The following NIPAL2 variants were observed in gnomAD, a reference collection of about 807,000 sequenced individuals.
NIPAL2 encodes NIPA like domain containing 2.
A neutral mutation model predicts 48.9 loss-of-function variants in NIPAL2; 43 were observed. The ratio of observed to expected loss-of-function variants is 0.88; its 90% CI spans 0.69 to 1.13. NIPAL2 has a LOEUF of 1.13. Among genes scored for constraint, NIPAL2 ranks in the 50% most tolerant of loss-of-function variants. The pLI is 0.00. For missense variants in NIPAL2, 446 were observed against 461.4 expected (o/e 0.97, Z 0.31); for synonymous variants, 167 against 174.6 (o/e 0.96, Z 0.34).
At chr8:98,210,705 CTG>C (rs749235577) in intron 6 of NIPAL2, among the ~76,000 whole-genome samples, 63 of 152,130 alleles carry the variant, frequency 4.1e-4, no homozygotes, top group Admixed American at 3.3e-4. Context: ...CCTTATATTT[CTG>C]TTAGTGTAGT....
chr8:98,268,371 G>A (rs1484134891), intron 1 of NIPAL2, among the ~76,000 whole-genome samples: 1 of 151,932 alleles, frequency 6.6e-6, no homozygotes, highest in Non-Finnish European at 1.5e-5. Flanking sequence ...CTGTCATCCC[G>A]GCATTTTGGG....
chr8:98,240,953 G>A (rs1425962839), intron 3 of NIPAL2, among the ~76,000 whole-genome samples: 1 of 152,122 alleles, frequency 6.6e-6, no homozygotes, highest in African/African-American at 2.4e-5. Context: ...ACCGGTGAAA[G>A]GAAGCATTTG....
At chr8:98,223,388 C>A (rs1812001358) in intron 4 of NIPAL2, among the ~76,000 whole-genome samples, 1 of 152,102 alleles carries the variant, frequency 6.6e-6, no homozygotes, top group Admixed American at 6.6e-5. Context: ...GAAGGGAGGA[C>A]TTGCCCTTCC....
intron 1 of NIPAL2, among the ~76,000 whole-genome samples, chr8:98,269,013 T>C (rs936763748): frequency 4.6e-5 from 7 of 152,302 alleles, no homozygotes; most frequent in African/African-American, 1.7e-4. Flanking sequence ...TGCTCATCGA[T>C]AAAAAGCAAC....
At chr8:98,203,754 G>A (rs1184420437) in intron 7 of NIPAL2, among the ~76,000 whole-genome samples, 2 of 152,128 alleles carry the variant, frequency 1.3e-5, no homozygotes, top group South Asian at 4.1e-4. Flanking sequence ...TTTTGAAGCA[G>A]TGAATTGCAC....
chr8:98,201,402 A>G (rs531480941), intron 8 of NIPAL2, among the ~76,000 whole-genome samples: 7 of 152,018 alleles, frequency 4.6e-5, no homozygotes, highest in Non-Finnish European at 1.0e-4. Flanking sequence ...TTATTTTTTT[A>G]GAGATGGGGT....
At chr8:98,201,260 C>T (rs1554560245) in intron 8 of NIPAL2, among the ~76,000 whole-genome samples, 1 of 152,176 alleles carries the variant, frequency 6.6e-6, no homozygotes, top group Non-Finnish European at 1.5e-5. Flanking sequence ...TCACCAATAA[C>T]ATCAGAGGGA....
At chr8:98,214,510 A>G (rs1042632109) in intron 5 of NIPAL2, among the ~76,000 whole-genome samples, 7 of 152,032 alleles carry the variant, frequency 4.6e-5, no homozygotes, top group African/African-American at 1.7e-4. Flanking sequence ...TGAATTTGTA[A>G]GTATGAATGT....
At chr8:98,285,626 C>G (rs1272200102) in intron 1 of NIPAL2, among the ~76,000 whole-genome samples, 3 of 152,180 alleles carry the variant, frequency 2.0e-5, no homozygotes, top group African/African-American at 7.2e-5. Flanking sequence ...TTAAAGCCCC[C>G]CTGGATGGAG....
intron 1 of NIPAL2, among the ~76,000 whole-genome samples, chr8:98,263,716 A>G (rs1362385054): frequency 1.1e-4 from 15 of 135,844 alleles, no homozygotes; most frequent in Admixed American, 5.2e-4. Context: ...AGGAACTGGT[A>G]CCATTCCTTC....
chr8:98,265,536 C>A, intron 1 of NIPAL2, among the ~76,000 whole-genome samples: 1 of 123,716 alleles, frequency 8.1e-6, no homozygotes, highest in Non-Finnish European at 1.7e-5. Context: ...AAAAAATGCT[C>A]ATCATCACTG....
At chr8:98,255,653 G>A (rs577419963) in intron 1 of NIPAL2, among the ~76,000 whole-genome samples, 3 of 152,160 alleles carry the variant, frequency 2.0e-5, no homozygotes, top group East Asian at 1.9e-4. Context: ...TCCTAATAGA[G>A]GCACTTGGTA....
chr8:98,253,979 G>A (rs764265461), intron 2 of NIPAL2, 40 bp downstream of exon 2: 1 of 1,415,750 alleles, frequency 7.1e-7, no homozygotes, highest in Non-Finnish European at 9.9e-7. Flanking sequence ...TGTGTCCCTG[G>A]ATCAATCTAT....
intron 5 of NIPAL2, among the ~76,000 whole-genome samples, chr8:98,220,135 T>A (rs1020029866): frequency 2.0e-5 from 3 of 152,074 alleles, no homozygotes; most frequent in African/African-American, 7.2e-5. Flanking sequence ...TAAAAAGATC[T>A]GTAAGTATTT....
At chr8:98,266,617 A>C (rs894943860) in intron 1 of NIPAL2, among the ~76,000 whole-genome samples, 1 of 152,036 alleles carries the variant, frequency 6.6e-6, no homozygotes, top group Non-Finnish European at 1.5e-5. Flanking sequence ...GTGATCCAAC[A>C]ATGTGCCCAG....
At chr8:98,243,002 G>T (rs576228148) in intron 3 of NIPAL2, among the ~76,000 whole-genome samples, 2 of 152,326 alleles carry the variant, frequency 1.3e-5, no homozygotes, top group East Asian at 3.9e-4. Context: ...CCAAAGGGTG[G>T]TTCTGTAGGA....
chr8:98,200,309 C>T (rs1019614921), intron 8 of NIPAL2, among the ~76,000 whole-genome samples: 1 of 152,182 alleles, frequency 6.6e-6, no homozygotes, highest in African/African-American at 2.4e-5. Context: ...TCCTCCTCCC[C>T]GCAGCCCTCA....
intron 1 of NIPAL2, among the ~76,000 whole-genome samples, chr8:98,292,726 A>AT (rs11445213): frequency 0.038 from 5,340 of 140,970 alleles, 267 homozygotes; most frequent in African/African-American, 0.12. Flanking sequence ...CTAACCCTCT[A>AT]TTTTTTTTTT....
At chr8:98,265,231 C>G (rs1299120809) in intron 1 of NIPAL2, among the ~76,000 whole-genome samples, 7 of 151,618 alleles carry the variant, frequency 4.6e-5, no homozygotes, top group Non-Finnish European at 7.4e-5. Flanking sequence ...GCAAGGACTT[C>G]AGGTCTAAAA....
Sources: allele counts gnomAD v4.1 joint callset (sites outside exome capture counted in the v4.1 genomes callset), GRCh38; gene constraint gnomAD v4.1.1; transcripts MANE v1.5; gene names NCBI Gene and HGNC (gene_info 2026-07-23, HGNC 2026-07-21).